The following TUSC3 variants were observed in gnomAD, a reference collection of about 807,000 sequenced individuals.
TUSC3 encodes tumor suppressor candidate 3, also known as dolichyl-diphosphooligosaccharide--protein glycosyltransferase subunit TUSC3.
Under a neutral mutation model 44.8 loss-of-function variants are expected in TUSC3, and 45 were observed. That is an observed-to-expected ratio of 1.00 (90% CI 0.79 to 1.29). The LOEUF (loss-of-function observed/expected upper bound fraction) is 1.29, where lower values mean the gene tolerates loss of function less well. Among genes scored for constraint, TUSC3 ranks in the 50% most tolerant of loss-of-function variants. The probability of loss-of-function intolerance (pLI) is 0.00; values close to 1 mark genes in which losing one functional copy is unlikely to be tolerated. For synonymous variants in TUSC3, 212 were observed against 152.9 expected, an observed-to-expected ratio of 1.39 and a Z score of -2.85; for missense variants, 519 against 437.9, an observed-to-expected ratio of 1.19 and a Z score of -1.65.
chr8:15,751,491 C>G (rs1304659884), intron 9 of TUSC3, among the ~76,000 whole-genome samples: 1 of 152,110 alleles, frequency 6.6e-6, no homozygotes, highest in Non-Finnish European at 1.5e-5. Context: ...ACTCTCTCAA[C>G]ATGATTTTGT....
At chr8:15,823,892 G>C in the TUSC3 span, among the ~76,000 whole-genome samples, 54 of 152,324 alleles carry the variant, frequency 3.5e-4, no homozygotes, top group African/African-American at 1.3e-3. Flanking sequence ...TTATTTATTA[G>C]TGTAGTTTCC....
intron 2 of TUSC3, among the ~76,000 whole-genome samples, chr8:15,511,632 G>A (rs1046452164): frequency 6.6e-6 from 1 of 152,140 alleles, no homozygotes; most frequent in South Asian, 2.1e-4. Flanking sequence ...CACTTTGGGA[G>A]GCCAAGATGG....
intron 7 of TUSC3, among the ~76,000 whole-genome samples, chr8:15,731,316 C>T (rs1205480040): frequency 6.6e-6 from 1 of 152,022 alleles, no homozygotes; most frequent in African/African-American, 2.4e-5. Context: ...TGTGAATATT[C>T]TTAGAATGAA....
At chr8:15,843,869 C>T in the TUSC3 span, among the ~76,000 whole-genome samples, 2 of 151,952 alleles carry the variant, frequency 1.3e-5, 1 homozygote, top group East Asian at 3.9e-4. Flanking sequence ...GTTAATCCAA[C>T]CTCTGATAAA....
intron 2 of TUSC3, among the ~76,000 whole-genome samples, chr8:15,639,110 A>T (rs1367979800): frequency 6.8e-6 from 1 of 146,614 alleles, no homozygotes; most frequent in African/African-American, 2.6e-5. Context: ...GATGATGATC[A>T]TGTGTCGATG....
intron 1 of TUSC3, among the ~76,000 whole-genome samples, chr8:15,558,324 T>C (rs1266405608): frequency 2.1e-5 from 1 of 47,252 alleles, no homozygotes; most frequent in African/African-American, 4.7e-5. Context: ...TTTGCGTATA[T>C]TGAACCAGCC....
At chr8:15,621,008 T>C (rs894322722) in intron 1 of TUSC3, among the ~76,000 whole-genome samples, 2 of 151,854 alleles carry the variant, frequency 1.3e-5, no homozygotes, top group African/African-American at 2.4e-5. Context: ...TGAGTGTGTG[T>C]TGTGCATGTG....
intron 6 of TUSC3, among the ~76,000 whole-genome samples, chr8:15,695,818 C>T (rs188706561): frequency 9.9e-4 from 150 of 152,236 alleles, no homozygotes; most frequent in Admixed American, 2.9e-3. Context: ...TGGCATTTTG[C>T]CCCTGCCCTA....
intron 5 of TUSC3, among the ~76,000 whole-genome samples, chr8:15,668,838 A>T (rs1402992024): frequency 1.3e-5 from 2 of 151,750 alleles, no homozygotes; most frequent in Non-Finnish European, 3.0e-5. Flanking sequence ...GAAACTTTAG[A>T]TACCTGAGTG....
rs950190576 is a variant in TUSC3 at position 15,712,459 on chromosome 8, G to T, written c.799-18207G>T. ...GAAATTCACATCGAGTTTAACTTCA[G>T]TTTCTCCCCTTCTCTTATTCCTGCT... On this transcript the variant is annotated intron_variant, in intron 6 of 10. Transcript: ENST00000503731. Among the ~76,000 whole-genome samples, 3 of 151,928 alleles carry T rather than the reference G, an allele frequency of 2.0e-5. No homozygotes were observed. The East Asian group carries it at 5.8e-4, about 29-fold the overall frequency.
intron 2 of TUSC3, among the ~76,000 whole-genome samples, chr8:15,627,594 C>G (rs1194940302): frequency 6.6e-6 from 1 of 152,236 alleles, no homozygotes; most frequent in African/African-American, 2.4e-5. Flanking sequence ...GACCTGGGAG[C>G]TTCCTGAGCC....
At chr8:15,719,516 CCACACACACACA>C (rs56066329) in intron 6 of TUSC3, among the ~76,000 whole-genome samples, 3 of 16,194 alleles carry the variant, frequency 1.9e-4, no homozygotes, top group African/African-American at 2.4e-4. Flanking sequence ...CACACACACA[CCACACACACACA>C]CACACACACA....
At chr8:15,432,266 T>G (rs1262813685) in intron 1 of TUSC3, among the ~76,000 whole-genome samples, 1 of 152,130 alleles carries the variant, frequency 6.6e-6, no homozygotes, top group Non-Finnish European at 1.5e-5. Context: ...GTTGAGAGGT[T>G]TTTGATTACT....
At chr8:15,423,701 T>A (rs1047670845) in intron 1 of TUSC3, among the ~76,000 whole-genome samples, 1 of 151,876 alleles carries the variant, frequency 6.6e-6, no homozygotes, top group Non-Finnish European at 1.5e-5. Flanking sequence ...GCGGGGAGAG[T>A]GGGCTTTCTC....
chr8:15,447,546 G>T (rs1260774558), intron 1 of TUSC3, among the ~76,000 whole-genome samples: 1 of 151,990 alleles, frequency 6.6e-6, no homozygotes, highest in Non-Finnish European at 1.5e-5. Flanking sequence ...TGGCTATGAA[G>T]CAATGAAAAA....
intron 2 of TUSC3, among the ~76,000 whole-genome samples, chr8:15,530,598 A>G (rs948741612): frequency 6.6e-6 from 1 of 152,190 alleles, no homozygotes; most frequent in African/African-American, 2.4e-5. Context: ...ATGCTTCTAA[A>G]CAGTCTAATG....
chr8:15,435,047 A>G (rs1467242256), intron 1 of TUSC3, among the ~76,000 whole-genome samples: 2 of 148,206 alleles, frequency 1.3e-5, no homozygotes, highest in Admixed American at 1.3e-4. Context: ...TTGGGTATAT[A>G]CCCAGTAATG....
chr8:15,733,626 A>T (rs1163657909), intron 7 of TUSC3: 1 of 162,968 alleles, frequency 6.1e-6, no homozygotes, highest in Non-Finnish European at 1.3e-5. Flanking sequence ...TAAAAGAATT[A>T]AAAGTCTGTA....
At chr8:15,597,650 A>G (rs1212220942) in intron 1 of TUSC3, among the ~76,000 whole-genome samples, 1 of 152,138 alleles carries the variant, frequency 6.6e-6, no homozygotes, top group Non-Finnish European at 1.5e-5. Context: ...TAAGCTAAAT[A>G]CACATTGATA....
Sources: gnomAD v4.1 joint callset for allele counts (sites outside exome capture counted in the v4.1 genomes callset) on GRCh38, gnomAD v4.1.1 for gene constraint, MANE v1.5 for transcripts, NCBI Gene and HGNC (gene_info 2026-07-23, HGNC 2026-07-21) for gene names.